Variants in PRXL2B observed in about 807,000 individuals in gnomAD.
PRXL2B encodes the protein peroxiredoxin like 2B, also known as prostamide/prostaglandin F synthase.
Under a neutral mutation model 24.4 loss-of-function variants are expected in PRXL2B, and 26 were observed. That is an observed-to-expected ratio of 1.07 (90% CI 0.78 to 1.48). PRXL2B has a LOEUF of 1.48. PRXL2B is among the 40% of genes most tolerant of loss of function. The pLI is 0.00. For synonymous variants in PRXL2B, 115 were observed against 118.9 expected, an observed-to-expected ratio of 0.97 and a Z score of 0.21; for missense variants, 269 against 264.8, an observed-to-expected ratio of 1.02 and a Z score of -0.11.
chr1:2,587,102 G>A lies in PRXL2B; in HGVS notation c.75G>A (p.Leu25=). 6.5e-7 allele frequency: 1 copy of A among 1,543,036 alleles called. No homozygotes were observed. The highest frequency in any genetic ancestry group is 8.7e-7 in the Non-Finnish European group (1 of 1,152,120). The stretch of plus-strand genomic sequence containing the variant: ...CAGCCGCCCGGCAGGCCGTGGAGCT[G>A]CGGAGCCTGTGGCGGGAGCACGCGT... ...KHAVTGEAVE[L]RSLWREHACV... is the part of the protein sequence containing the mutation. The change falls in exon 2 of 7, where the codon CTG becomes CTA. Residue 25 remains leucine (L), a synonymous_variant. Coordinates refer to ENST00000419916, the MANE Select transcript of PRXL2B (RefSeq NM_152371.5). The surrounding 1 kb of genome is among the most constrained non-coding windows in gnomAD (Gnocchi z 6.1).
intron 6 of PRXL2B, 100 bp downstream of exon 6, chr1:2,589,140 G>A: frequency 8.3e-7 from 1 of 1,209,316 alleles, no homozygotes; most frequent in Non-Finnish European, 1.2e-6. Flanking sequence ...CCACAGCGCT[G>A]TGGGCATCAT....
rs1557507695 is a variant in PRXL2B at position 2,589,773 on chromosome 1, GTCACTCCCTTCAAAGGCGACAGACC to G, written c.*347_*371del. On this transcript the variant is annotated 3_prime_UTR_variant, in exon 7 of 7. Coordinates refer to ENST00000419916, the MANE Select transcript of PRXL2B (RefSeq NM_152371.5). Reference sequence around the variant, plus strand: ...CTGGGGATGGTAACCTCACTGCCCCGTCACTCCCTTCAAAGGCGACAGACCCAAGCCCACGTCAGGAGAGGAGCGT... The same window carrying G: ...CTGGGGATGGTAACCTCACTGCCCCGCAAGCCCACGTCAGGAGAGGAGCGT... 7.1e-6 allele frequency: 3 copies of G among 423,018 alleles called. No individual in the cohort carries two copies. The highest frequency in any genetic ancestry group is 6.1e-5 in the African/African-American group (3 of 49,120). 26.2% of individuals were successfully genotyped at this position (423,018 alleles called of 1,614,324 possible). A position where few individuals can be genotyped will look rare whatever the true frequency, so the allele number is the denominator to read the frequency against.
At position 2,590,875 on chromosome 1, in the gene PRXL2B, G is replaced by T. The variant is rs1385437715; in HGVS notation, c.*1448G>T. Reference sequence around the variant, plus strand: ...CCAGGCGCAGAGGCCTGGCAGGCAGGCTTGGCATGGTTGGCCGGGGCGGGA... The same window carrying T: ...CCAGGCGCAGAGGCCTGGCAGGCAGTCTTGGCATGGTTGGCCGGGGCGGGA... On this transcript the variant is annotated 3_prime_UTR_variant, in exon 7 of 7. Coordinates refer to ENST00000419916, the MANE Select transcript of PRXL2B (RefSeq NM_152371.5). The T allele has an allele frequency of 3.7e-6, 3 of 802,614 alleles. No individual in the cohort carries two copies. The highest frequency in any genetic ancestry group is 1.8e-5 in the African/African-American group (1 of 55,310). 49.7% of individuals were successfully genotyped at this position (802,614 alleles called of 1,614,324 possible).
chr1:2,587,526 G>A lies in PRXL2B; in HGVS notation c.269-215G>A, dbSNP rs971345783. On this transcript the variant is annotated intron_variant, in intron 2 of 6. Transcript: ENST00000419916. This position sits in a 1 kb window ranked among gnomAD's most constrained non-coding sequence, Gnocchi z 6.1. ...GAGTCTGGACGAGCTCTGCCCCGCC[G>A]GCTCCACCTGTTGCCTCTGGGACTC... Among the ~76,000 whole-genome samples, 1 of 152,140 alleles carries A rather than the reference G, an allele frequency of 6.6e-6. No homozygotes were observed. Among genetic ancestry groups the A allele is most frequent in the Non-Finnish European group, 1.5e-5 (1 of 68,012 alleles).
Position 2,588,963 on chromosome 1 carries a change from G to T in PRXL2B, c.502G>T (p.Gly168Cys), listed in dbSNP as rs1450660380. ...CCTGCATTTCGTCCAGAAGTCCCCA[G>T]GCGACTACGTCCCCAAGGAGCACAT... ...VLLHFVQKSP[G>C]DYVPKEHILQ... The change falls in exon 6 of 7, where the codon GGC becomes TGC. Residue 168 changes from glycine to cysteine, a missense_variant. By Grantham distance (159) the Gly-to-Cys change is radical (BLOSUM62 -3). Coordinates refer to ENST00000419916, the MANE Select transcript of PRXL2B (RefSeq NM_152371.5). 1.2e-6 allele frequency: 2 copies of T among 1,613,378 alleles called. No individual in the cohort carries two copies. Among genetic ancestry groups the T allele is most frequent in the Non-Finnish European group, 1.7e-6 (2 of 1,179,998 alleles).
rs1476950429 is a variant in PRXL2B, at chr1:2,587,001, G to T, written c.63+53G>T. 113 of 1,318,410 alleles carry T rather than the reference G, an allele frequency of 8.6e-5. No homozygotes were observed. The highest frequency in any genetic ancestry group is 1.0e-4 in the Non-Finnish European group (107 of 1,041,068). The allele number at this position is 1,318,410 out of a possible 1,614,324, so 81.7% of individuals were successfully genotyped here. A position where few individuals can be genotyped will look rare whatever the true frequency, so the allele number is the denominator to read the frequency against. On this transcript the variant is annotated intron_variant, in intron 1 of 6. Transcript: ENST00000419916. This position sits in a 1 kb window ranked among gnomAD's most constrained non-coding sequence, Gnocchi z 6.1. ...GGCGCGTCCCTGGCTCCTTGCCCGG[G>T]CGTCCTGGCAGCGATGGGGTGGTGG...
chr1:2,587,217 C>G lies in PRXL2B; in HGVS notation c.190C>G (p.His64Asp). 6.4e-7 allele frequency: 1 copy of G among 1,572,128 alleles called. No homozygotes were observed. Among genetic ancestry groups the G allele is most frequent in the Non-Finnish European group, 8.6e-7 (1 of 1,165,332 alleles). Residue 64 changes from histidine (H) to aspartate (D), a missense_variant, in exon 2 of 7, where the codon CAC (histidine) becomes GAC (aspartate). Physicochemically the swap from His to Asp is moderately conservative, Grantham distance 81. Transcript: ENST00000419916. This position sits in a 1 kb window ranked among gnomAD's most constrained non-coding sequence, Gnocchi z 6.1. ...LSSLAGLLDQHGVRLVGVGPE... is the reference protein window; with the variant it reads ...LSSLAGLLDQDGVRLVGVGPE... Reference sequence around the variant, plus strand: ...CAGCCTTGCTGGGCTCCTGGACCAACACGGCGTGCGCCTGGTGGGCGTAGG... The same window carrying G: ...CAGCCTTGCTGGGCTCCTGGACCAAGACGGCGTGCGCCTGGTGGGCGTAGG...
At position 2,589,004 on chromosome 1, in the gene PRXL2B, C is replaced by T. The variant is rs781130096; in HGVS notation, c.543C>T (p.Gly181=). Reference sequence around the variant, plus strand: ...AGGAGCACATCCTGCAGGTCCTGGGCATCTCTGCGGAGGTCTGTGCCAGCG... The same window carrying T: ...AGGAGCACATCCTGCAGGTCCTGGGTATCTCTGCGGAGGTCTGTGCCAGCG... The part of the protein sequence containing the change: ...VPKEHILQVL[G]ISAEVCASDP... Residue 181 remains glycine (G), a synonymous_variant, in exon 6 of 7, where the codon GGC becomes GGT. Transcript: ENST00000419916. 1.9e-6 allele frequency: 3 copies of T among 1,613,260 alleles called. No homozygotes were observed. The South Asian group carries it at 3.3e-5, about 18-fold the overall frequency.
chr1:2,589,284 T>G (rs1463516486), intron 6 of PRXL2B, 126 bp from the exon 7 acceptor site: 18 of 1,375,642 alleles, frequency 1.3e-5, no homozygotes, highest in African/African-American at 7.3e-5. Flanking sequence ...GGGCGACACA[T>G]GGGGTGGCGG....
chr1:2,588,586 G>A lies in PRXL2B; in HGVS notation c.421G>A (p.Asp141Asn). ...TGGCATCCAGGGGAACTTGTCTGGG[G>A]ACCTGCTGCAGAGCGGAGGGCTGCT... ...AVGIQGNLSG[D>N]LLQSGGLLVV... Residue 141 changes from aspartate (D) to asparagine (N), a missense_variant, in exon 5 of 7, where the codon GAC becomes AAC. Asp to Asn is a conservative substitution (Grantham distance 23). Coordinates refer to ENST00000419916, the MANE Select transcript of PRXL2B (RefSeq NM_152371.5). 19 of 1,614,136 alleles carry A rather than the reference G, an allele frequency of 1.2e-5. No homozygotes were observed. The highest frequency in any genetic ancestry group is 1.4e-5 in the Non-Finnish European group (17 of 1,179,998).
In PRXL2B at chr1:2,587,357, G is replaced by T; in HGVS notation, c.268+62G>T. On this transcript the variant is annotated intron_variant, in intron 2 of 6. Transcript: ENST00000419916. This position sits in a 1 kb window ranked among gnomAD's most constrained non-coding sequence, Gnocchi z 6.1. ...CTTCCCTAAGCTCAGGGCGTTCGGGGCCCTTTCCTGCCCAACCCCGGCCCT... is the reference window on the plus strand; with the variant it reads ...CTTCCCTAAGCTCAGGGCGTTCGGGTCCCTTTCCTGCCCAACCCCGGCCCT... 6.6e-7 allele frequency: 1 copy of T among 1,506,616 alleles called. No homozygotes were observed. Among genetic ancestry groups the T allele is most frequent in the South Asian group, 1.2e-5 (1 of 83,348 alleles). 93.3% of individuals were successfully genotyped at this position (1,506,616 alleles called of 1,614,324 possible).
At position 2,590,996 on chromosome 1, in the gene PRXL2B, C is replaced by A; in HGVS notation, c.*1569C>A. On this transcript the variant is annotated 3_prime_UTR_variant, in exon 7 of 7. Transcript: ENST00000419916. ...CAGCGCGGCAGGGCCTTGGCTACCA[C>A]ACGCGGCATCGCTCCTTGGGGTGCA... The A allele has an allele frequency of 6.3e-7, 1 of 1,588,292 alleles. No individual in the cohort carries two copies. The highest frequency in any genetic ancestry group is 8.6e-7 in the Non-Finnish European group (1 of 1,169,348).
rs781467664 is a variant in PRXL2B at position 2,588,429 on chromosome 1, G to A, written c.360G>A (p.Lys120=). The change falls in exon 4 of 7, where the codon AAG becomes AAA. Residue 120 remains lysine (K), a synonymous_variant. Coordinates refer to ENST00000419916, the MANE Select transcript of PRXL2B (RefSeq NM_152371.5). Reference sequence around the variant, plus strand: ...GCATCCTCCCAGCAGCTCTGGGGAAGCCCGTGCGTGATGTGGCTGCCAAGG... The same window carrying A: ...GCATCCTCCCAGCAGCTCTGGGGAAACCCGTGCGTGATGTGGCTGCCAAGG... ...SLSILPAALG[K]PVRDVAAKAK... 1.9e-6 allele frequency: 3 copies of A among 1,614,074 alleles called. No homozygotes were observed. In the African/African-American group the frequency reaches 4.0e-5, roughly 22 times the overall value.
rs368813313 is a variant in PRXL2B at position 2,587,759 on chromosome 1, G to A, written c.287G>A (p.Ser96Asn). The A allele has an allele frequency of 6.4e-6, 10 of 1,567,312 alleles. No individual in the cohort carries two copies. The highest frequency in any genetic ancestry group is 2.7e-5 in the African/African-American group (2 of 73,696). ...TTTCCAGAGCTCTACCTGGATGAGAGCAAGCAGCTTTACAAGGAGCTAGGC... is the reference window on the plus strand; with the variant it reads ...TTTCCAGAGCTCTACCTGGATGAGAACAAGCAGCTTTACAAGGAGCTAGGC... The part of the protein sequence containing the change: ...YFAGELYLDE[S>N]KQLYKELGFK... The change falls in exon 3 of 7, where the codon AGC (serine) becomes AAC (asparagine). Residue 96 changes from serine (S) to asparagine (N), a missense_variant. By Grantham distance (46) the Ser-to-Asn change is conservative. Transcript: ENST00000419916. The surrounding 1 kb of genome is among the most constrained non-coding windows in gnomAD (Gnocchi z 6.1).
chr1:2,587,652 G>A lies in PRXL2B; in HGVS notation c.269-89G>A. 3 of 1,452,682 alleles carry A rather than the reference G, an allele frequency of 2.1e-6. No individual in the cohort carries two copies. The South Asian group carries it at 3.7e-5, about 18-fold the overall frequency. The allele number at this position is 1,452,682 out of a possible 1,614,324, so 90.0% of individuals were successfully genotyped here. A position where few individuals can be genotyped will look rare whatever the true frequency, so the allele number is the denominator to read the frequency against. Reference sequence around the variant, plus strand: ...CGGAGGGTGGGCAGAGGAACAGAGGGTCGGAAGGAGGAGGGCGATTCTTTG... The same window carrying A: ...CGGAGGGTGGGCAGAGGAACAGAGGATCGGAAGGAGGAGGGCGATTCTTTG... On this transcript the variant is annotated intron_variant, in intron 2 of 6. Coordinates refer to ENST00000419916, the MANE Select transcript of PRXL2B (RefSeq NM_152371.5). The surrounding 1 kb of genome is among the most constrained non-coding windows in gnomAD (Gnocchi z 6.1).
chr1:2,590,062 G>A lies in PRXL2B; in HGVS notation c.*635G>A, dbSNP rs933887635. ...GCCCGGGAGGGTCTTAGTCTAATTAGGTGTGTCCAGCTTCTTGGCCACCTT... is the reference window on the plus strand; with the variant it reads ...GCCCGGGAGGGTCTTAGTCTAATTAAGTGTGTCCAGCTTCTTGGCCACCTT... On this transcript the variant is annotated 3_prime_UTR_variant, in exon 7 of 7. Coordinates refer to ENST00000419916, the MANE Select transcript of PRXL2B (RefSeq NM_152371.5). 6.5e-6 allele frequency: 1 copy of A among 152,778 alleles called. No individual in the cohort carries two copies. The highest frequency in any genetic ancestry group is 1.5e-5 in the Non-Finnish European group (1 of 68,450). 9.5% of individuals were successfully genotyped at this position (152,778 alleles called of 1,614,324 possible).
intron 6 of PRXL2B, 107 bp from the exon 7 acceptor site, chr1:2,589,303 G>C: frequency 6.7e-7 from 1 of 1,495,380 alleles, no homozygotes; most frequent in Admixed American, 1.9e-5. Flanking sequence ...GGGCAGAGAG[G>C]CGTGTCCTCT....
Position 2,587,375 on chromosome 1 carries a change from C to G in PRXL2B, c.268+80C>G, listed in dbSNP as rs1644550296. On this transcript the variant is annotated intron_variant, in intron 2 of 6. Transcript: ENST00000419916. The surrounding 1 kb of genome is among the most constrained non-coding windows in gnomAD (Gnocchi z 6.1). ...GTTCGGGGCCCTTTCCTGCCCAACC[C>G]CGGCCCTTCTGTCTGCTGGAGCGGC... is the stretch of plus-strand genomic sequence containing the variant. The G allele has an allele frequency of 2.7e-6, 4 of 1,471,548 alleles. No individual in the cohort carries two copies. The highest frequency in any genetic ancestry group is 1.4e-5 in the African/African-American group (1 of 71,206). The allele number at this position is 1,471,548 out of a possible 1,614,324, so 91.2% of individuals were successfully genotyped here.
Position 2,589,809 on chromosome 1 carries a change from T to C in PRXL2B, c.*382T>C. 2 of 298,938 alleles carry C rather than the reference T, an allele frequency of 6.7e-6. No individual in the cohort carries two copies. The highest frequency in any genetic ancestry group is 1.3e-5 in the Non-Finnish European group (2 of 159,180). 18.5% of individuals were successfully genotyped at this position (298,938 alleles called of 1,614,324 possible). A position where few individuals can be genotyped will look rare whatever the true frequency, so the allele number is the denominator to read the frequency against. On this transcript the variant is annotated 3_prime_UTR_variant, in exon 7 of 7. Coordinates refer to ENST00000419916, the MANE Select transcript of PRXL2B (RefSeq NM_152371.5). Reference sequence around the variant, plus strand: ...CAAAGGCGACAGACCCAAGCCCACGTCAGGAGAGGAGCGTGGGGTCAGCTC... The same window carrying C: ...CAAAGGCGACAGACCCAAGCCCACGCCAGGAGAGGAGCGTGGGGTCAGCTC...
Sources: gnomAD v4.1 joint callset for allele counts (sites outside exome capture counted in the v4.1 genomes callset) on GRCh38, gnomAD v4.1.1 for gene constraint, Gnocchi (gnomAD v3.1) non-coding constraint, MANE v1.5 for transcripts, NCBI Gene and HGNC (gene_info 2026-07-23, HGNC 2026-07-21) for gene names.